FAM120C: variants seen among roughly 807,000 people sequenced by gnomAD.
FAM120C encodes constitutive coactivator of PPAR-gamma-like protein 2.
A neutral mutation model predicts 71.2 loss-of-function variants in FAM120C; 14 were observed. The ratio of observed to expected loss-of-function variants is 0.20; its 90% CI spans 0.13 to 0.31. The LOEUF (loss-of-function observed/expected upper bound fraction) is 0.31, where lower values mean the gene tolerates loss of function less well. FAM120C is among the 10% of genes least tolerant of loss of function. The pLI, the probability that FAM120C is intolerant of heterozygous loss-of-function variation, is 1.00. For missense variants in FAM120C, 500 were observed against 879.0 expected (o/e 0.57, Z 5.45); for synonymous variants, 354 against 353.2 (o/e 1.00, Z -0.03).
intron 9 of FAM120C, among the ~76,000 whole-genome samples, chrX:54,129,045 C>T (rs1362796134): frequency 2.8e-5 from 3 of 107,394 alleles, no homozygotes; most frequent in East Asian, 3.1e-4. Context: ...CCAGTAGGGG[C>T]GGCCGGGCAG....
At chrX:54,095,806 A>G (rs781995706) in intron 10 of FAM120C, among the ~76,000 whole-genome samples, 67 of 109,506 alleles carry the variant, frequency 6.1e-4, no homozygotes, top group East Asian at 2.7e-3. Flanking sequence ...ACAGGCATGC[A>G]CCACCATGCC....
chrX:54,136,727 C>A (rs782600514), intron 4 of FAM120C, 137 bp from the exon 5 acceptor site: 188 of 441,945 alleles, frequency 4.3e-4, no homozygotes, highest in Non-Finnish European at 6.7e-4. Context: ...TTTCGCTTTG[C>A]AGACAAGATT....
chrX:54,080,788 G>A (rs111779768), intron 14 of FAM120C, among the ~76,000 whole-genome samples: 1 of 107,477 alleles, frequency 9.3e-6, no homozygotes, highest in East Asian at 2.9e-4. Context: ...CTTGAACCCC[G>A]GAGGTGGAGG....
intron 1 of FAM120C, among the ~76,000 whole-genome samples, chrX:54,165,253 C>A (rs1219864414): frequency 9.0e-6 from 1 of 111,716 alleles, no homozygotes; most frequent in African/African-American, 3.3e-5. Context: ...TTGTTCAAAT[C>A]AGGATTCAAA....
At chrX:54,101,798 C>T (rs1205559589) in intron 10 of FAM120C, among the ~76,000 whole-genome samples, 1 of 111,480 alleles carries the variant, frequency 9.0e-6, no homozygotes, top group East Asian at 2.8e-4. Flanking sequence ...TCGGAATGGC[C>T]TTCGCTGTCC....
At chrX:54,145,335 GA>G (rs2146622133) in intron 4 of FAM120C, among the ~76,000 whole-genome samples, 1 of 111,563 alleles carries the variant, frequency 9.0e-6, no homozygotes, top group South Asian at 3.8e-4. Flanking sequence ...TTAAACTAAA[GA>G]GCTTCTGCAC....
intron 4 of FAM120C, among the ~76,000 whole-genome samples, chrX:54,148,836 CA>C (rs782121212): frequency 9.0e-6 from 1 of 111,401 alleles, no homozygotes; most frequent in South Asian, 3.7e-4. Flanking sequence ...GTTCTCACCA[CA>C]AAAAAATGAA....
intron 13 of FAM120C, among the ~76,000 whole-genome samples, chrX:54,083,019 C>T (rs1465155674): frequency 4.6e-5 from 5 of 107,960 alleles, no homozygotes; most frequent in South Asian, 4.1e-4. Flanking sequence ...CTCAGGAGGC[C>T]GAGTCAGAAG....
At chrX:54,073,509 A>C (rs1258180470) in intron 15 of FAM120C, among the ~76,000 whole-genome samples, 3 of 109,121 alleles carry the variant, frequency 2.7e-5, no homozygotes, top group Admixed American at 9.9e-5. Flanking sequence ...GGCTCACTGT[A>C]ACCTCTGTCT....
chrX:54,141,922 A>G (rs1336135093), intron 4 of FAM120C, among the ~76,000 whole-genome samples: 2 of 111,970 alleles, frequency 1.8e-5, no homozygotes, highest in Non-Finnish European at 3.8e-5. Flanking sequence ...TTGTATGCTA[A>G]AAACTATAAA....
At chrX:54,174,537 C>T (rs1569533946) in intron 1 of FAM120C, among the ~76,000 whole-genome samples, 1 of 112,054 alleles carries the variant, frequency 8.9e-6, no homozygotes, top group East Asian at 2.8e-4. Flanking sequence ...TGGAAAGAGA[C>T]TTTTTTGCAA....
chrX:54,079,834 A>G (rs1406687861), intron 15 of FAM120C, among the ~76,000 whole-genome samples: 1 of 110,963 alleles, frequency 9.0e-6, no homozygotes, highest in African/African-American at 3.3e-5. Flanking sequence ...CTCCCGCCAC[A>G]TATATTCAGC....
chrX:54,115,202 ATG>A (rs1253865959), intron 10 of FAM120C, among the ~76,000 whole-genome samples: 2 of 112,622 alleles, frequency 1.8e-5, no homozygotes, highest in African/African-American at 6.4e-5. Flanking sequence ...TATTTGCTAC[ATG>A]TGTGTCTGAG....
Position 54,147,147 on chromosome X carries a change from C to T in FAM120C, c.1158+4098G>A, listed in dbSNP as rs146630989. On this transcript the variant is annotated intron_variant, in intron 4 of 15. Coordinates refer to ENST00000375180, the MANE Select transcript of FAM120C (RefSeq NM_017848.6). ...CCTGGCCAACAGGGTGAAACCCCAT[C>T]TCTACTAAAAATACAAAAGATCAGC... Among the ~76,000 whole-genome samples, 1,082 of 110,559 alleles carry T rather than the reference C, an allele frequency of 9.8e-3. 9 individuals carry two copies. The highest frequency in any genetic ancestry group is 0.035 in the African/African-American group (1,052 of 30,334).
At chrX:54,141,497 G>A (rs1013340863) in intron 4 of FAM120C, among the ~76,000 whole-genome samples, 5 of 110,649 alleles carry the variant, frequency 4.5e-5, no homozygotes, top group Non-Finnish European at 9.4e-5. Flanking sequence ...CTGATAACAT[G>A]CACAAAAACT....
chrX:54,132,438 A>G (rs2067072854), intron 9 of FAM120C, among the ~76,000 whole-genome samples: 1 of 111,641 alleles, frequency 9.0e-6, no homozygotes, highest in Admixed American at 9.6e-5. Context: ...TTGGCCTCCC[A>G]AAGTGCTGGG....
chrX:54,085,194 G>A lies in FAM120C; in HGVS notation c.2839+521C>T, dbSNP rs1287720142. 2.7e-5 allele frequency among the ~76,000 whole-genome samples: 3 copies of A among 112,147 alleles called. No homozygotes were observed. The South Asian group carries it at 1.1e-3, about 41-fold the overall frequency. ...CATCAGTCACTTCATGAGTTTGGTTGGTGAGAGTCAAATCCCTGGGGACCA... is the reference window on the plus strand; with the variant it reads ...CATCAGTCACTTCATGAGTTTGGTTAGTGAGAGTCAAATCCCTGGGGACCA... On this transcript the variant is annotated intron_variant, in intron 13 of 15. Coordinates refer to ENST00000375180, the MANE Select transcript of FAM120C (RefSeq NM_017848.6).
rs2067244625 is a variant in FAM120C at position 54,163,629 on chromosome X, T to C, written c.700-4013A>G. On this transcript the variant is annotated intron_variant, in intron 1 of 15. Transcript: ENST00000375180. ...TATGAATATACTAAAGACCATTAAA[T>C]TGTATACTTTAAAATGTTGAATTTT... 2.7e-5 allele frequency among the ~76,000 whole-genome samples: 3 copies of C among 111,666 alleles called. No individual in the cohort carries two copies. The South Asian group carries it at 1.1e-3, about 41-fold the overall frequency.
At chrX:54,159,686 A>G (rs1378610232) in intron 1 of FAM120C, 70 bp from the exon 2 acceptor site, 3 of 1,096,216 alleles carry the variant, frequency 2.7e-6, no homozygotes, top group Non-Finnish European at 1.2e-6. Flanking sequence ...CAGGAGGTTT[A>G]GCAACTAAAT....
Sources: gnomAD v4.1 joint callset for allele counts (sites outside exome capture counted in the v4.1 genomes callset) on GRCh38, gnomAD v4.1.1 for gene constraint, MANE v1.5 for transcripts, NCBI Gene and HGNC (gene_info 2026-07-23, HGNC 2026-07-21) for gene names.